The following ETV5 variants were observed in gnomAD, a reference collection of about 807,000 sequenced individuals.
ETV5 encodes ETS variant transcription factor 5.
A neutral mutation model predicts 70.0 loss-of-function variants in ETV5; 10 were observed. That is an observed-to-expected ratio of 0.14 (90% confidence interval 0.09 to 0.24). The LOEUF is 0.24. ETV5 is among the 10% of genes least tolerant of loss of function. ETV5 has a pLI of 1.00. For missense variants in ETV5, 453 were observed against 651.2 expected (o/e 0.70, Z 3.31); for synonymous variants, 216 against 242.2 (o/e 0.89, Z 1.01).
At chr3:186,108,111 C>T (rs980850284) in intron 1 of ETV5, among the ~76,000 whole-genome samples, 1 of 151,954 alleles carries the variant, frequency 6.6e-6, no homozygotes, top group Admixed American at 6.6e-5. Context: ...CGCTACCAAC[C>T]GCTTCCAATC....
chr3:186,056,955 A>T (rs1246169806), intron 11 of ETV5, 120 bp downstream of exon 11: 8 of 1,191,844 alleles, frequency 6.7e-6, no homozygotes, highest in Non-Finnish European at 8.2e-6. Flanking sequence ...TGGCCAGGCC[A>T]GAATATGAAT....
intron 5 of ETV5, among the ~76,000 whole-genome samples, chr3:186,094,448 T>A (rs1714256888): frequency 6.6e-6 from 1 of 152,220 alleles, no homozygotes; most frequent in African/African-American, 2.4e-5. Flanking sequence ...GTGATTTTTT[T>A]TGACCCAGAT....
At chr3:186,096,744 CATTACT>C (rs1391230585) in intron 5 of ETV5, among the ~76,000 whole-genome samples, 1 of 152,280 alleles carries the variant, frequency 6.6e-6, no homozygotes, top group Non-Finnish European at 1.5e-5. Flanking sequence ...TGCTCTGGAT[CATTACT>C]ATTAAGTTTT....
In ETV5 at chr3:186,057,161, C is replaced by G. The variant is rs1461706983; in HGVS notation, c.1123G>C (p.Val375Leu). Residue 375 changes from valine (V) to leucine (L), a missense_variant, in exon 11 of 13, where the codon GTC (valine) becomes CTC (leucine). Coordinates refer to ENST00000306376, the MANE Select transcript of ETV5 (RefSeq NM_004454.3). The surrounding 1 kb of genome is among the most constrained non-coding windows in gnomAD (Gnocchi z 4.9). ...TTGGCTGGGTCATCAAGAAGGGTGA[C>G]CAGGAACTGCCACAGCTGAAGGGAA... Reference protein sequence around the residue: ...RGSLQLWQFLVTLLDDPANAH... With the variant: ...RGSLQLWQFLLTLLDDPANAH... 6.2e-7 allele frequency: 1 copy of G among 1,614,168 alleles called. No individual in the cohort carries two copies. Among genetic ancestry groups the G allele is most frequent in the East Asian group, 2.2e-5 (1 of 44,892 alleles).
intron 12 of ETV5, among the ~76,000 whole-genome samples, chr3:186,051,535 G>A (rs1220925761): frequency 6.6e-6 from 1 of 152,190 alleles, no homozygotes; most frequent in East Asian, 1.9e-4. Flanking sequence ...CAAACGTTGG[G>A]TTTTTAACTT....
intron 7 of ETV5, among the ~76,000 whole-genome samples, chr3:186,072,843 T>C (rs748701665): frequency 3.9e-5 from 6 of 152,114 alleles, no homozygotes; most frequent in Non-Finnish European, 8.8e-5. Context: ...GATATAACAT[T>C]AATAACTTTG....
At chr3:186,093,632 T>C (rs941775054) in intron 5 of ETV5, among the ~76,000 whole-genome samples, 1 of 152,146 alleles carries the variant, frequency 6.6e-6, no homozygotes. Context: ...CTGTCTAACA[T>C]GTAATTGTAA....
Position 186,057,067 on chromosome 3 carries a change from G to C in ETV5, c.1209+8C>G. The C allele has an allele frequency of 1.2e-6, 2 of 1,613,718 alleles. No homozygotes were observed. Among genetic ancestry groups the C allele is most frequent in the Non-Finnish European group, 1.7e-6 (2 of 1,179,660 alleles). The stretch of plus-strand genomic sequence containing the variant: ...AAAACCCGTCTGAGTCCAGCATCCA[G>C]TGCATACCTCTTCCGGTTCTATCAG... On this transcript the variant is annotated splice_region_variant and intron_variant, in intron 11 of 12. Transcript: ENST00000306376. This position sits in a 1 kb window ranked among gnomAD's most constrained non-coding sequence, Gnocchi z 4.9.
chr3:186,065,365 C>T (rs953848473), intron 8 of ETV5, among the ~76,000 whole-genome samples: 1 of 152,206 alleles, frequency 6.6e-6, no homozygotes, highest in Non-Finnish European at 1.5e-5. Context: ...GAAATGTTTA[C>T]ACACGATCAC....
rs1713043740 is a variant in ETV5 at position 186,051,959 on chromosome 3, C to T, written c.1311+71G>A. 4 of 1,453,832 alleles carry T rather than the reference C, an allele frequency of 2.8e-6. No homozygotes were observed. The South Asian group carries it at 3.4e-5, about 12-fold the overall frequency. 90.1% of individuals were successfully genotyped at this position (1,453,832 alleles called of 1,614,324 possible). ...TCCTCGTAGCGACGATCACCAGTCT[C>T]ACTACAGAAGCCCTGGACTTTTTCC... On this transcript the variant is annotated intron_variant, in intron 12 of 12. Transcript: ENST00000306376.
intron 7 of ETV5, among the ~76,000 whole-genome samples, chr3:186,073,966 G>A (rs909373328): frequency 2.0e-5 from 3 of 152,098 alleles, no homozygotes; most frequent in African/African-American, 7.2e-5. Flanking sequence ...CAACAAATAA[G>A]TTGGAAAAAC....
intron 7 of ETV5, among the ~76,000 whole-genome samples, chr3:186,071,440 T>C (rs1369872776): frequency 2.6e-5 from 4 of 152,208 alleles, no homozygotes; most frequent in African/African-American, 9.6e-5. Context: ...GTCCAACCTT[T>C]ACCACTCAGT....
intron 1 of ETV5, chr3:186,106,822 T>A: frequency 2.4e-6 from 1 of 413,974 alleles, no homozygotes; most frequent in Non-Finnish European, 3.3e-6. Context: ...GGAGAAAACT[T>A]CTCCTAACGT....
At chr3:186,049,767 A>G (rs987555016) in intron 12 of ETV5, among the ~76,000 whole-genome samples, 2 of 152,166 alleles carry the variant, frequency 1.3e-5, no homozygotes, top group African/African-American at 2.4e-5. Context: ...ATCTCTACCA[A>G]TCAACCACCT....
rs1374991637 is a variant in ETV5 at position 186,109,058 on chromosome 3, T to C, written c.-193A>G. 6.6e-6 allele frequency: 1 copy of C among 152,280 alleles called. No homozygotes were observed. The highest frequency in any genetic ancestry group is 1.5e-5 in the Non-Finnish European group (1 of 68,104). The allele number at this position is 152,280 out of a possible 1,614,324, so 9.4% of individuals were successfully genotyped here. ...CTGGGCCGAACCGCTCCGAAGACGG[T>C]GAACCGCTCCGCGCACCAGCGGCTG... On this transcript the variant is annotated 5_prime_UTR_variant, in exon 1 of 13. Coordinates refer to ENST00000306376, the MANE Select transcript of ETV5 (RefSeq NM_004454.3).
chr3:186,073,366 T>G (rs966808688), intron 7 of ETV5, among the ~76,000 whole-genome samples: 12 of 152,190 alleles, frequency 7.9e-5, no homozygotes, highest in African/African-American at 2.7e-4. Flanking sequence ...CAAGCGTGAT[T>G]TTATTTAATC....
chr3:186,071,057 G>C (rs961009772), intron 7 of ETV5, among the ~76,000 whole-genome samples: 2 of 152,168 alleles, frequency 1.3e-5, no homozygotes, highest in African/African-American at 4.8e-5. Flanking sequence ...TTATTTGTCA[G>C]ATTTATATAG....
chr3:186,108,779 C>CG (rs1714661372), intron 1 of ETV5, 161 bp downstream of exon 1: 2 of 549,634 alleles, frequency 3.6e-6, no homozygotes, highest in Non-Finnish European at 5.2e-6. Context: ...GACCGGGCCG[C>CG]GGGGGGAGGG....
chr3:186,093,738 C>A (rs766027273), intron 5 of ETV5, among the ~76,000 whole-genome samples: 1 of 152,228 alleles, frequency 6.6e-6, no homozygotes, highest in African/African-American at 2.4e-5. Context: ...TACCTCTTTA[C>A]TCCTTCCAGA....
Sources: gnomAD v4.1 joint callset for allele counts (sites outside exome capture counted in the v4.1 genomes callset) on GRCh38, gnomAD v4.1.1 for gene constraint, Gnocchi (gnomAD v3.1) non-coding constraint, MANE v1.5 for transcripts, NCBI Gene and HGNC (gene_info 2026-07-23, HGNC 2026-07-21) for gene names.